The following HMCN1 variants were observed in gnomAD, a reference collection of about 807,000 sequenced individuals.
HMCN1 encodes hemicentin 1, also known as hemicentin-1.
HMCN1 carries 321 observed loss-of-function variants against 625.9 expected under a neutral mutation model. The observed-to-expected ratio is 0.51, with a 90% CI of 0.47 to 0.56. The LOEUF (loss-of-function observed/expected upper bound fraction) is 0.56, where lower values mean the gene tolerates loss of function less well. HMCN1 is among the 20% of genes least tolerant of loss of function. The probability of loss-of-function intolerance (pLI) is 0.00; values close to 1 mark genes in which losing one functional copy is unlikely to be tolerated. For missense variants in HMCN1, 6,588 were observed against 6,887.3 expected, an observed-to-expected ratio of 0.96 and a Z score of 1.54; for synonymous variants, 2,425 against 2,417.6, an observed-to-expected ratio of 1.00 and a Z score of -0.09.
chr1:185,779,413 T>C (rs1403236469), intron 1 of HMCN1, among the ~76,000 whole-genome samples: 3 of 152,232 alleles, frequency 2.0e-5, no homozygotes, highest in African/African-American at 7.2e-5. Context: ...AGACATGAAG[T>C]CCTTGCCCAC....
chr1:186,097,244 T>A (rs541129513), intron 68 of HMCN1, among the ~76,000 whole-genome samples: 1 of 152,208 alleles, frequency 6.6e-6, no homozygotes, highest in South Asian at 2.1e-4. Flanking sequence ...CAACAGCAAA[T>A]TGTCTGAAAA....
rs1348724223 is a variant in HMCN1, at chr1:185,997,477, A to G, written c.3827A>G (p.Gln1276Arg). 2.5e-6 allele frequency: 4 copies of G among 1,612,868 alleles called. No individual in the cohort carries two copies. Among genetic ancestry groups the G allele is most frequent in the Non-Finnish European group, 3.4e-6 (4 of 1,179,320 alleles). The change falls in exon 25 of 107, where the codon CAA becomes CGA. Residue 1276 changes from glutamine (Q) to arginine (R), a missense_variant. Physicochemically the swap from Gln to Arg is conservative, Grantham distance 43 (BLOSUM62 1). Coordinates refer to ENST00000271588, the MANE Select transcript of HMCN1 (RefSeq NM_031935.3). ...GAACCTCCATATAACACTACTTTCC[A>G]AGAAAGAGTGGCCAATCAACGCATT... ...DLEPPYNTTFQERVANQRIEF... is the reference protein window; with the variant it reads ...DLEPPYNTTFRERVANQRIEF...
chr1:186,145,545 C>A lies in HMCN1; in HGVS notation c.14409C>A (p.Ile4803=). 6.2e-7 allele frequency: 1 copy of A among 1,614,090 alleles called. No homozygotes were observed. Among genetic ancestry groups the A allele is most frequent in the Non-Finnish European group, 8.5e-7 (1 of 1,179,992 alleles). ...CTTGTGGGGGACCAGACTCCCAGATCCAGAGGTGCAACACTGACATGTGTC... is the reference window on the plus strand; with the variant it reads ...CTTGTGGGGGACCAGACTCCCAGATACAGAGGTGCAACACTGACATGTGTC... ...GRACGGPDSQ[I]QRCNTDMCPV... Residue 4803 remains isoleucine (I), a synonymous_variant, in exon 92 of 107, where the codon ATC becomes ATA. Coordinates refer to ENST00000271588, the MANE Select transcript of HMCN1 (RefSeq NM_031935.3).
At chr1:185,989,742 C>CCCTA (rs1274029755) in intron 21 of HMCN1, 95 bp downstream of exon 21, 17 of 1,181,894 alleles carry the variant, frequency 1.4e-5, no homozygotes, top group Middle Eastern at 2.1e-4. Flanking sequence ...ATGCATGTAC[C>CCCTA]CCTAAAGTGA....
chr1:185,979,066 T>G (rs144928558), intron 16 of HMCN1, among the ~76,000 whole-genome samples: 220 of 152,302 alleles, frequency 1.4e-3, no homozygotes, highest in African/African-American at 5.2e-3. Context: ...TGCTTCAGTG[T>G]TCAGCTCTGT....
intron 30 of HMCN1, among the ~76,000 whole-genome samples, chr1:186,013,331 G>A (rs1192059256): frequency 6.6e-6 from 1 of 152,134 alleles, no homozygotes; most frequent in East Asian, 1.9e-4. Flanking sequence ...TTTTAGCTTA[G>A]CATCTCCTGG....
At chr1:186,107,429 A>G (rs891492905) in intron 70 of HMCN1, among the ~76,000 whole-genome samples, 1 of 152,232 alleles carries the variant, frequency 6.6e-6, no homozygotes, top group African/African-American at 2.4e-5. Flanking sequence ...AGAAAATTTA[A>G]AAATCCAGAA....
At chr1:186,112,020 A>ATAAC (rs1660912650) in intron 71 of HMCN1, among the ~76,000 whole-genome samples, 1 of 152,198 alleles carries the variant, frequency 6.6e-6, no homozygotes, top group African/African-American at 2.4e-5. Context: ...GAATTTTTTA[A>ATAAC]TAACTATGAT....
chr1:186,188,944 C>G (rs1571490414), intron 106 of HMCN1, among the ~76,000 whole-genome samples: 1 of 152,268 alleles, frequency 6.6e-6, no homozygotes, highest in Admixed American at 6.5e-5. Context: ...TAAAAGTCAT[C>G]ATGACTCAAA....
chr1:185,888,985 T>C (rs1348745014), intron 4 of HMCN1, among the ~76,000 whole-genome samples: 1 of 146,934 alleles, frequency 6.8e-6, no homozygotes, highest in Non-Finnish European at 1.5e-5. Flanking sequence ...TTTATTTCCT[T>C]GAGCAGCGGT....
intron 4 of HMCN1, among the ~76,000 whole-genome samples, chr1:185,888,610 G>A (rs1330236967): frequency 6.8e-6 from 1 of 147,116 alleles, no homozygotes; most frequent in Non-Finnish European, 1.5e-5. Context: ...TCAAAGATCA[G>A]ATAGTTGTAG....
chr1:186,109,490 C>T (rs1046768980), intron 71 of HMCN1, among the ~76,000 whole-genome samples: 3 of 152,172 alleles, frequency 2.0e-5, no homozygotes, highest in Non-Finnish European at 4.4e-5. Flanking sequence ...CCTCAAAGAG[C>T]TCACTCACTA....
At chr1:185,937,997 G>T (rs888905794) in intron 11 of HMCN1, among the ~76,000 whole-genome samples, 2 of 151,158 alleles carry the variant, frequency 1.3e-5, no homozygotes, top group Non-Finnish European at 3.0e-5. Context: ...GTGCAAATAT[G>T]TAATAGAGGC....
chr1:186,061,877 A>G lies in HMCN1; in HGVS notation c.7339A>G (p.Thr2447Ala). The G allele has an allele frequency of 6.2e-7, 1 of 1,612,938 alleles. No homozygotes were observed. The highest frequency in any genetic ancestry group is 8.5e-7 in the Non-Finnish European group (1 of 1,179,124). The change falls in exon 47 of 107, where the codon ACC becomes GCC. Residue 2447 changes from threonine to alanine, a missense_variant. This residue lies in a region of HMCN1 where 4,628 missense variants were observed against 4,853.1 expected (regional missense o/e 0.95). Coordinates refer to ENST00000271588, the MANE Select transcript of HMCN1 (RefSeq NM_031935.3). ...SGGRMLRLMQTTMEDAGQYTC... is the reference protein window; with the variant it reads ...SGGRMLRLMQATMEDAGQYTC... ...AGGCAGGATGCTACGGCTGATGCAG[A>G]CCACAATGGAAGATGCTGGCCAATA...
At chr1:186,179,280 G>A (rs559807586) in intron 104 of HMCN1, among the ~76,000 whole-genome samples, 6 of 152,252 alleles carry the variant, frequency 3.9e-5, no homozygotes, top group East Asian at 1.9e-4. Context: ...ATGTTTGTAC[G>A]TCACTGAAAA....
At chr1:185,818,204 G>T (rs1368409679) in intron 1 of HMCN1, among the ~76,000 whole-genome samples, 1 of 152,002 alleles carries the variant, frequency 6.6e-6, no homozygotes, top group Non-Finnish European at 1.5e-5. Context: ...ATCATTCCAA[G>T]CCTCACTGTG....
intron 2 of HMCN1, among the ~76,000 whole-genome samples, chr1:185,858,484 G>A (rs973609234): frequency 6.6e-6 from 1 of 150,558 alleles, no homozygotes; most frequent in Non-Finnish European, 1.5e-5. Context: ...CTGGAGTGCA[G>A]TGGCATAATC....
intron 77 of HMCN1, 37 bp from the exon 78 acceptor site, chr1:186,119,153 GA>G: frequency 7.0e-7 from 1 of 1,428,542 alleles, no homozygotes; most frequent in Non-Finnish European, 9.9e-7. Flanking sequence ...AAAAAACTGA[GA>G]TGCAGTATAT....
chr1:186,136,696 G>A lies in HMCN1; in HGVS notation c.13341G>A (p.Val4447=), dbSNP rs1312413984. Residue 4447 remains valine (V), a synonymous_variant, in exon 87 of 107, where the codon GTG becomes GTA. Coordinates refer to ENST00000271588, the MANE Select transcript of HMCN1 (RefSeq NM_031935.3). ...CTCCTATTATCACTCTTGAGCCAGT[G>A]GAAACTGTTATTAATGCTGGTGGCA... ...QSPPIITLEP[V]ETVINAGGKI... 6.2e-7 allele frequency: 1 copy of A among 1,613,908 alleles called. No homozygotes were observed. The highest frequency in any genetic ancestry group is 8.5e-7 in the Non-Finnish European group (1 of 1,179,878).
Sources: allele counts gnomAD v4.1 joint callset (sites outside exome capture counted in the v4.1 genomes callset), GRCh38; gene constraint gnomAD v4.1.1; regional missense constraint gnomAD v4.1.1; transcripts MANE v1.5; gene names NCBI Gene and HGNC (gene_info 2026-07-23, HGNC 2026-07-21).